The following PHF11 variants were observed in gnomAD, a reference collection of about 807,000 sequenced individuals.
PHF11 encodes the protein PHD finger protein 11.
A neutral mutation model predicts 40.5 loss-of-function variants in PHF11; 38 were observed. The ratio of observed to expected loss-of-function variants is 0.94; its 90% CI spans 0.72 to 1.23. The LOEUF (loss-of-function observed/expected upper bound fraction) is 1.23. PHF11 is among the 50% of genes most tolerant of loss of function. PHF11 has a pLI of 0.00. For synonymous variants in PHF11, 127 were observed against 138.2 expected, an observed-to-expected ratio of 0.92 and a Z score of 0.57; for missense variants, 369 against 392.4, an observed-to-expected ratio of 0.94 and a Z score of 0.50.
chr13:49,497,156 C>T (rs1252400941), intron 1 of PHF11: 2 of 1,289,356 alleles, frequency 1.6e-6, no homozygotes, highest in African/African-American at 1.5e-5. Flanking sequence ...AAACATCATA[C>T]GTGGCAACCA....
chr13:49,498,155 CTAGTAGTAG>C (rs1194616978), intron 1 of PHF11, among the ~76,000 whole-genome samples: 1 of 152,042 alleles, frequency 6.6e-6, no homozygotes, highest in Non-Finnish European at 1.5e-5. Context: ...ACTGGTTGGC[CTAGTAGTAG>C]TAGTAGGACA....
At chr13:49,506,526 ACT>A (rs1958992613) in intron 1 of PHF11, 107 bp from the exon 2 acceptor site, 7 of 892,812 alleles carry the variant, frequency 7.8e-6, no homozygotes, top group African/African-American at 1.7e-5. Flanking sequence ...GGGAATTAAG[ACT>A]CTCTCATAAA....
intron 1 of PHF11, among the ~76,000 whole-genome samples, chr13:49,505,735 CT>C (rs564099230): frequency 1.3e-5 from 2 of 152,160 alleles, no homozygotes; most frequent in African/African-American, 4.8e-5. Context: ...TGCCTCTTGC[CT>C]TTTCTTCCTA....
chr13:49,502,873 C>T (rs1349787174), intron 1 of PHF11, among the ~76,000 whole-genome samples: 1 of 152,122 alleles, frequency 6.6e-6, no homozygotes, highest in African/African-American at 2.4e-5. Flanking sequence ...CAGGCATGCA[C>T]CACCACGCCT....
At chr13:49,521,929 G>C (rs530002511) in intron 5 of PHF11, 114 bp from the exon 6 acceptor site, 25 of 540,616 alleles carry the variant, frequency 4.6e-5, no homozygotes, top group African/African-American at 3.5e-4. Context: ...GTTGAAGTTT[G>C]CCATATCTTT....
intron 8 of PHF11, 109 bp downstream of exon 8, chr13:49,524,325 T>C (rs1959213484): frequency 1.2e-6 from 1 of 861,206 alleles, no homozygotes; most frequent in Non-Finnish European, 1.8e-6. Context: ...CCTATACTAC[T>C]TTTTTCTTCT....
At chr13:49,523,829 C>T in intron 7 of PHF11, 1 of 265,602 alleles carries the variant, frequency 3.8e-6, no homozygotes, top group Non-Finnish European at 7.0e-6. Context: ...TTTAAAAAAG[C>T]CTCTTAATTC....
At chr13:49,508,862 G>A (rs1445754852) in intron 2 of PHF11, among the ~76,000 whole-genome samples, 1 of 152,026 alleles carries the variant, frequency 6.6e-6, no homozygotes, top group East Asian at 1.9e-4. Context: ...ATATTAATGG[G>A]ATGCTCCAAA....
chr13:49,518,203 T>A (rs760776533), intron 4 of PHF11, 52 bp downstream of exon 4: 5 of 1,328,914 alleles, frequency 3.8e-6, no homozygotes, highest in Admixed American at 4.1e-5. Context: ...GGATAAGGAA[T>A]GGTTGGATTA....
Position 49,523,886 on chromosome 13 carries a change from CATTTT to C in PHF11, c.638-195_638-191del, listed in dbSNP as rs1275672176. 7 of 345,956 alleles carry C rather than the reference CATTTT, an allele frequency of 2.0e-5. No individual in the cohort carries two copies. The East Asian group carries it at 3.4e-4, about 17-fold the overall frequency. 21.4% of individuals were successfully genotyped at this position (345,956 alleles called of 1,614,324 possible). On this transcript the variant is annotated intron_variant, in intron 7 of 9. Coordinates refer to ENST00000378319, the MANE Select transcript of PHF11 (RefSeq NM_001040443.3). ...AAATTTTCATTTTTACTTTTTGTAA[CATTTT>C]ATTCATTGTTTCAGCTGGCCAAAAA...
rs1402328822 is a variant in PHF11, at chr13:49,528,624, C to T, written c.955C>T (p.Leu319Phe). The T allele has an allele frequency of 1.2e-6, 2 of 1,610,602 alleles. No homozygotes were observed. The highest frequency in any genetic ancestry group is 1.7e-6 in the Non-Finnish European group (2 of 1,177,530). ...TLCSFQENRDLMSSSTSISSL... is the reference protein window; with the variant it reads ...TLCSFQENRDFMSSSTSISSL... Reference sequence around the variant, plus strand: ...GTGCTCTTTTCAAGAAAATAGAGATCTTATGTCAAGTTCTACATCAATATC... The same window carrying T: ...GTGCTCTTTTCAAGAAAATAGAGATTTTATGTCAAGTTCTACATCAATATC... Residue 319 changes from leucine (L) to phenylalanine (F), a missense_variant, in exon 10 of 10, where the codon CTT becomes TTT. Transcript: ENST00000378319.
At position 49,523,229 on chromosome 13, in the gene PHF11, G is replaced by C; in HGVS notation, c.625G>C (p.Gly209Arg). ...TFIRQVKEEH[G>R]RHTDATVKVP... is the part of the protein sequence containing the mutation. ...CATAAGACAAGTGAAAGAAGAGCAT[G>C]GCAGACACACAGGTTTGCGCTAAGT... Residue 209 changes from glycine to arginine, a missense_variant, in exon 7 of 10, where the codon GGC (glycine) becomes CGC (arginine). By Grantham distance (125) the Gly-to-Arg change is moderately radical. Coordinates refer to ENST00000378319, the MANE Select transcript of PHF11 (RefSeq NM_001040443.3). 6.2e-7 allele frequency: 1 copy of C among 1,610,376 alleles called. No individual in the cohort carries two copies. The highest frequency in any genetic ancestry group is 2.2e-5 in the East Asian group (1 of 44,872).
intron 8 of PHF11, among the ~76,000 whole-genome samples, chr13:49,524,424 T>C (rs1594224416): frequency 6.6e-6 from 1 of 152,174 alleles, no homozygotes; most frequent in Non-Finnish European, 1.5e-5. Flanking sequence ...TTTTTTATAT[T>C]GTTGCCTACA....
intron 1 of PHF11, among the ~76,000 whole-genome samples, chr13:49,501,505 T>C (rs1282999882): frequency 1.1e-4 from 16 of 152,158 alleles, no homozygotes; most frequent in Admixed American, 9.8e-4. Context: ...TTCTAAAACA[T>C]TGAAAATTTT....
intron 1 of PHF11, among the ~76,000 whole-genome samples, chr13:49,502,284 A>T (rs935520557): frequency 4.6e-5 from 7 of 152,150 alleles, no homozygotes; most frequent in African/African-American, 1.7e-4. Context: ...CTTGGGTGAC[A>T]GGGCAAGACC....
At chr13:49,511,916 G>A (rs990981259) in intron 2 of PHF11, among the ~76,000 whole-genome samples, 3 of 152,082 alleles carry the variant, frequency 2.0e-5, no homozygotes, top group African/African-American at 7.2e-5. Flanking sequence ...TTCTTGTTTG[G>A]TTATGTTTGT....
intron 3 of PHF11, 24 bp downstream of exon 3, chr13:49,513,190 T>C (rs759335617): frequency 1.8e-6 from 2 of 1,101,974 alleles, no homozygotes; most frequent in Non-Finnish European, 2.8e-6. Flanking sequence ...ATGTTATTTC[T>C]TATACTGGAT....
At chr13:49,525,494 C>T (rs867344719) in intron 8 of PHF11, among the ~76,000 whole-genome samples, 1 of 152,142 alleles carries the variant, frequency 6.6e-6, no homozygotes, top group Non-Finnish European at 1.5e-5. Context: ...GTGATCTGCC[C>T]GCCTTGGCCT....
intron 3 of PHF11, among the ~76,000 whole-genome samples, chr13:49,515,291 G>A (rs1461020763): frequency 6.6e-6 from 1 of 152,094 alleles, no homozygotes; most frequent in Non-Finnish European, 1.5e-5. Flanking sequence ...GGCCAGTGCT[G>A]TGGTATTTTC....
Sources: allele counts gnomAD v4.1 joint callset (sites outside exome capture counted in the v4.1 genomes callset), GRCh38; gene constraint gnomAD v4.1.1; transcripts MANE v1.5; gene names NCBI Gene and HGNC (gene_info 2026-07-23, HGNC 2026-07-21).